The following NBAS variants were observed in gnomAD, a reference collection of about 807,000 sequenced individuals.
NBAS encodes NAG/BC035112 fusion.
NBAS carries 219 observed loss-of-function variants against 302.5 expected under a neutral mutation model. The observed-to-expected ratio is 0.72, with a 90% CI of 0.65 to 0.81. NBAS has a LOEUF of 0.81. NBAS is among the 30% of genes least tolerant of loss of function. NBAS has a pLI of 0.00. For synonymous variants in NBAS, 1,118 were observed against 1,021.6 expected (o/e 1.09, Z -1.80); for missense variants, 2,932 against 2,841.6 (o/e 1.03, Z -0.72).
intron 12 of NBAS, among the ~76,000 whole-genome samples, chr2:15,479,054 T>G (rs558373757): frequency 6.6e-6 from 1 of 152,272 alleles, no homozygotes; most frequent in African/African-American, 2.4e-5. Flanking sequence ...CTTTTTCATC[T>G]AATGCAACAA....
At chr2:14,961,442 C>T in the NBAS span, among the ~76,000 whole-genome samples, 2 of 151,640 alleles carry the variant, frequency 1.3e-5, no homozygotes, top group Non-Finnish European at 2.9e-5. Context: ...TTTTTTAAAG[C>T]TGGGCCCCCT....
At chr2:15,243,278 A>T (rs559190313) in intron 44 of NBAS, among the ~76,000 whole-genome samples, 2 of 152,266 alleles carry the variant, frequency 1.3e-5, no homozygotes, top group African/African-American at 4.8e-5. Flanking sequence ...AGTGACATAT[A>T]CCATTTCAGA....
chr2:15,015,820 T>C, the NBAS span, among the ~76,000 whole-genome samples: 2 of 151,988 alleles, frequency 1.3e-5, no homozygotes, highest in African/African-American at 4.8e-5. Flanking sequence ...AGAAAGAGCA[T>C]CCAAATTGGA....
At chr2:14,896,215 C>G in the NBAS span, among the ~76,000 whole-genome samples, 1 of 151,804 alleles carries the variant, frequency 6.6e-6, no homozygotes, top group Admixed American at 6.6e-5. Flanking sequence ...TTAACACAAG[C>G]AGGAAAGGCA....
chr2:15,309,340 C>A, intron 38 of NBAS, 93 bp from the exon 39 acceptor site: 1 of 1,070,118 alleles, frequency 9.3e-7, no homozygotes, highest in East Asian at 2.8e-5. Context: ...AAGATTTCAA[C>A]AAATAATTAG....
chr2:15,335,966 C>T (rs1279209648), intron 35 of NBAS, among the ~76,000 whole-genome samples: 2 of 152,010 alleles, frequency 1.3e-5, no homozygotes, highest in African/African-American at 2.4e-5. Flanking sequence ...CATTGTGGCA[C>T]GTGCCTCTAG....
At chr2:15,475,553 C>T (rs969173788) in intron 14 of NBAS, 134 bp downstream of exon 14, 30 of 920,684 alleles carry the variant, frequency 3.3e-5, no homozygotes, top group African/African-American at 2.4e-4. Context: ...TTTTATACTA[C>T]AACCATTACC....
At chr2:14,785,296 T>C in the NBAS span, among the ~76,000 whole-genome samples, 3 of 152,332 alleles carry the variant, frequency 2.0e-5, no homozygotes, top group East Asian at 1.9e-4. Context: ...CTTTTCCTAA[T>C]TGAATACCCT....
At chr2:14,783,877 A>AT in the NBAS span, among the ~76,000 whole-genome samples, 1 of 150,258 alleles carries the variant, frequency 6.7e-6, no homozygotes, top group Non-Finnish European at 1.5e-5. Flanking sequence ...CTAGTTCTAG[A>AT]TCCCTGAGGA....
chr2:15,179,217 G>A, intron 50 of NBAS, 101 bp from the exon 51 acceptor site: 3 of 1,564,966 alleles, frequency 1.9e-6, no homozygotes, highest in Non-Finnish European at 2.6e-6. Flanking sequence ...GGTAGCGTGT[G>A]TGTGTGTGTG....
At chr2:15,275,845 A>G in intron 43 of NBAS, 27 bp from the exon 44 acceptor site, 1 of 1,593,024 alleles carries the variant, frequency 6.3e-7, no homozygotes, top group Non-Finnish European at 8.6e-7. Flanking sequence ...GAAAGTAGGT[A>G]AGTGGTTCAT....
At chr2:15,489,095 C>CTAAA (rs1420485589) in intron 11 of NBAS, 73 bp from the exon 12 acceptor site, 1 of 1,528,632 alleles carries the variant, frequency 6.5e-7, no homozygotes, top group Non-Finnish European at 9.0e-7. Flanking sequence ...AAATGACACT[C>CTAAA]TTTAGAGGTG....
the NBAS span, among the ~76,000 whole-genome samples, chr2:15,076,471 G>A: frequency 1.3e-5 from 2 of 152,136 alleles, no homozygotes; most frequent in Non-Finnish European, 2.9e-5. Context: ...TTTTGTGAAG[G>A]TGTCTCTCCC....
chr2:15,112,093 T>C, the NBAS span, among the ~76,000 whole-genome samples: 4 of 151,224 alleles, frequency 2.6e-5, no homozygotes, highest in African/African-American at 9.7e-5. Context: ...CTAAGGATAA[T>C]AAAAGCACAC....
the NBAS span, among the ~76,000 whole-genome samples, chr2:14,896,772 G>A: frequency 6.6e-6 from 1 of 152,130 alleles, no homozygotes; most frequent in African/African-American, 2.4e-5. Flanking sequence ...GAAGAAGCTG[G>A]TATTTAACAG....
the NBAS span, among the ~76,000 whole-genome samples, chr2:15,072,655 ACAACGTGTTAAG>A: frequency 6.6e-6 from 1 of 152,234 alleles, no homozygotes; most frequent in Non-Finnish European, 1.5e-5. Flanking sequence ...CAGTCTCAAT[ACAACGTGTTAAG>A]GGAAATAATA....
chr2:14,789,353 C>T, the NBAS span, among the ~76,000 whole-genome samples: 1 of 152,194 alleles, frequency 6.6e-6, no homozygotes, highest in East Asian at 1.9e-4. Context: ...CCTGCGCCCA[C>T]TGTCTGGCAC....
At chr2:15,008,222 G>A in the NBAS span, among the ~76,000 whole-genome samples, 1 of 152,162 alleles carries the variant, frequency 6.6e-6, no homozygotes. Flanking sequence ...TCCGCATAGG[G>A]CCTCATCATC....
At chr2:15,447,400 C>T (rs1042100578) in intron 21 of NBAS, among the ~76,000 whole-genome samples, 5 of 152,098 alleles carry the variant, frequency 3.3e-5, no homozygotes, top group African/African-American at 1.2e-4. Context: ...TTTATGTTTT[C>T]CCAGAGTTTA....
Sources: allele counts gnomAD v4.1 joint callset (sites outside exome capture counted in the v4.1 genomes callset), GRCh38; gene constraint gnomAD v4.1.1; transcripts MANE v1.5; gene names NCBI Gene and HGNC (gene_info 2026-07-23, HGNC 2026-07-21).